The following GABRB1 variants were observed in gnomAD, a reference collection of about 807,000 sequenced individuals.
The protein encoded by GABRB1 is gamma-aminobutyric acid receptor subunit beta-1.
Under a neutral mutation model 51.6 loss-of-function variants are expected in GABRB1, and 17 were observed. The ratio of observed to expected loss-of-function variants is 0.33; its 90% CI spans 0.23 to 0.49. The LOEUF (loss-of-function observed/expected upper bound fraction) is 0.49, where lower values mean the gene tolerates loss of function less well. Among genes scored for constraint, GABRB1 ranks in the 20% least tolerant of loss-of-function variants. The pLI, the probability that GABRB1 is intolerant of heterozygous loss-of-function variation, is 0.99. For synonymous variants in GABRB1, 247 were observed against 218.9 expected (o/e 1.13, Z -1.14); for missense variants, 410 against 600.6 (o/e 0.68, Z 3.32).
chr4:47,056,286 T>A (rs1726598033), intron 3 of GABRB1, among the ~76,000 whole-genome samples: 2 of 152,228 alleles, frequency 1.3e-5, no homozygotes, highest in Admixed American at 1.3e-4. Flanking sequence ...TTTCACCTTC[T>A]TTCTTCTTTT....
intron 5 of GABRB1, among the ~76,000 whole-genome samples, chr4:47,365,555 C>A (rs1403011360): frequency 6.6e-6 from 1 of 152,170 alleles, no homozygotes; most frequent in Non-Finnish European, 1.5e-5. Flanking sequence ...TATACCCCTT[C>A]TCTTGCCTCC....
chr4:47,048,767 T>C (rs2109502942), intron 3 of GABRB1, among the ~76,000 whole-genome samples: 1 of 152,274 alleles, frequency 6.6e-6, no homozygotes, highest in Non-Finnish European at 1.5e-5. Context: ...GGTTTAAAGC[T>C]CAGGGCTGTC....
At chr4:47,164,677 A>C (rs1322544665) in intron 4 of GABRB1, among the ~76,000 whole-genome samples, 1 of 152,142 alleles carries the variant, frequency 6.6e-6, no homozygotes, top group African/African-American at 2.4e-5. Context: ...CAAACTCGGT[A>C]AGCTCAATAT....
chr4:47,243,821 A>G (rs1242526901), intron 4 of GABRB1, among the ~76,000 whole-genome samples: 5 of 152,196 alleles, frequency 3.3e-5, no homozygotes, highest in African/African-American at 9.7e-5. Flanking sequence ...TAATCATGTC[A>G]TCTGCAAACA....
intron 4 of GABRB1, among the ~76,000 whole-genome samples, chr4:47,318,026 T>A (rs1481946237): frequency 6.6e-6 from 1 of 152,004 alleles, no homozygotes; most frequent in East Asian, 1.9e-4. Context: ...CATATTTTAA[T>A]GATATCCCAG....
At chr4:47,091,082 TC>T (rs1416319697) in intron 3 of GABRB1, among the ~76,000 whole-genome samples, 1 of 143,518 alleles carries the variant, frequency 7.0e-6, no homozygotes, top group African/African-American at 2.6e-5. Context: ...CTGGCCAGTG[TC>T]TGGGGATAGT....
chr4:47,162,763 A>C (rs1057255880), intron 4 of GABRB1, among the ~76,000 whole-genome samples: 1 of 151,894 alleles, frequency 6.6e-6, no homozygotes. Flanking sequence ...TTAGAAGTCA[A>C]CTCCTATTTT....
chr4:47,341,953 A>C (rs1725916523), intron 5 of GABRB1, among the ~76,000 whole-genome samples: 1 of 152,194 alleles, frequency 6.6e-6, no homozygotes, highest in South Asian at 2.1e-4. Flanking sequence ...CAGAGAGGAC[A>C]CTGAAGATTA....
Position 47,295,373 on chromosome 4 carries a change from G to A in GABRB1, c.462-24754G>A, listed in dbSNP as rs541316860. Reference sequence around the variant, plus strand: ...TAAAAACTTTGAAAAAAATTTAGACGAATGAATAACTAGAATAACCAATAC... The same window carrying A: ...TAAAAACTTTGAAAAAAATTTAGACAAATGAATAACTAGAATAACCAATAC... On this transcript the variant is annotated intron_variant, in intron 4 of 8. Transcript: ENST00000295454. Among the ~76,000 whole-genome samples the A allele has an allele frequency of 2.0e-4, 31 of 152,266 alleles. No homozygotes were observed. The South Asian group carries it at 5.2e-3, about 25-fold the overall frequency.
chr4:47,076,486 C>T (rs1189390630), intron 3 of GABRB1, among the ~76,000 whole-genome samples: 1 of 152,082 alleles, frequency 6.6e-6, no homozygotes, highest in East Asian at 1.9e-4. Context: ...GTGGCCAGAC[C>T]AGATCTCCTT....
intron 8 of GABRB1, among the ~76,000 whole-genome samples, chr4:47,423,809 T>C (rs34096542): frequency 0.18 from 26,909 of 152,168 alleles, 3,388 homozygotes; most frequent in African/African-American, 0.35. Context: ...GCCTTGGTTT[T>C]CCTGTCTGCT....
chr4:47,327,542 C>T (rs1010859056), intron 5 of GABRB1, among the ~76,000 whole-genome samples: 5 of 152,156 alleles, frequency 3.3e-5, no homozygotes, highest in African/African-American at 4.8e-5. Flanking sequence ...CCTACTTACA[C>T]TATGACCAAG....
intron 4 of GABRB1, among the ~76,000 whole-genome samples, chr4:47,183,317 T>C (rs1303415906): frequency 1.4e-5 from 2 of 144,360 alleles, no homozygotes; most frequent in African/African-American, 2.5e-5. Context: ...GAACTGATTA[T>C]ATAACATCTT....
In GABRB1 at chr4:47,123,301, T is replaced by C. The variant is rs573488187; in HGVS notation, c.241-37948T>C. 1.1e-3 allele frequency among the ~76,000 whole-genome samples: 145 copies of C among 136,380 alleles called. 1 individual carries two copies. In the East Asian group the frequency reaches 0.017, roughly 16 times the overall value. 89.5% of individuals were successfully genotyped at this position (136,380 alleles called of 152,430 possible). ...TATACATATATATGATTATATATAA[T>C]ATGTATTATATAATATTATATATAT... On this transcript the variant is annotated intron_variant, in intron 3 of 8. Coordinates refer to ENST00000295454, the MANE Select transcript of GABRB1 (RefSeq NM_000812.4).
At chr4:47,049,055 T>C (rs1281893299) in intron 3 of GABRB1, among the ~76,000 whole-genome samples, 7 of 95,076 alleles carry the variant, frequency 7.4e-5, no homozygotes, top group Non-Finnish European at 1.2e-4. Flanking sequence ...CTTTTCATGA[T>C]GAGAAGAGAA....
chr4:47,212,660 C>T (rs1720408453), intron 4 of GABRB1, among the ~76,000 whole-genome samples: 1 of 152,034 alleles, frequency 6.6e-6, no homozygotes, highest in Non-Finnish European at 1.5e-5. Context: ...GCCTGAGTGA[C>T]AGAGTGAGAC....
chr4:47,366,881 T>C (rs1269181527), intron 5 of GABRB1, among the ~76,000 whole-genome samples: 1 of 152,240 alleles, frequency 6.6e-6, no homozygotes. Flanking sequence ...TAATTTATAC[T>C]ACTTTTTAGA....
intron 4 of GABRB1, among the ~76,000 whole-genome samples, chr4:47,292,651 AAG>A (rs1424022251): frequency 6.6e-6 from 1 of 152,214 alleles, no homozygotes; most frequent in East Asian, 1.9e-4. Flanking sequence ...GGGCTGTGGT[AAG>A]AGACTATTGC....
intron 8 of GABRB1, among the ~76,000 whole-genome samples, chr4:47,412,834 A>C (rs766335296): frequency 6.6e-6 from 1 of 152,234 alleles, no homozygotes; most frequent in Non-Finnish European, 1.5e-5. Context: ...AAGATTGGTC[A>C]GACCAGGTCT....
Sources: gnomAD v4.1 joint callset for allele counts (sites outside exome capture counted in the v4.1 genomes callset) on GRCh38, gnomAD v4.1.1 for gene constraint, MANE v1.5 for transcripts, NCBI Gene and HGNC (gene_info 2026-07-23, HGNC 2026-07-21) for gene names.